CDH26: variants seen among roughly 807,000 people sequenced by gnomAD.
The protein encoded by CDH26 is cadherin-like protein 26.
CDH26 carries 83 observed loss-of-function variants against 90.3 expected under a neutral mutation model. That is an observed-to-expected ratio of 0.92 (90% CI 0.77 to 1.10). The LOEUF (loss-of-function observed/expected upper bound fraction) is 1.10. Ranked by LOEUF, CDH26 falls within the 50% of genes least tolerant of loss-of-function variation. The pLI is 0.00. For synonymous variants in CDH26, 397 were observed against 396.3 expected (o/e 1.00, Z -0.02); for missense variants, 1,013 against 1,037.6 (o/e 0.98, Z 0.33).
intron 4 of CDH26, among the ~76,000 whole-genome samples, chr20:59,980,119 A>G (rs1438398733): frequency 1.3e-5 from 2 of 152,158 alleles, no homozygotes; most frequent in Non-Finnish European, 2.9e-5. Context: ...CTTTGGCTGC[A>G]CTTAGTATTG....
intron 7 of CDH26, among the ~76,000 whole-genome samples, chr20:60,024,070 GGAAACAA>G (rs2146032438): frequency 6.6e-6 from 1 of 152,244 alleles, no homozygotes; most frequent in East Asian, 1.9e-4. Flanking sequence ...AGAGCTCACC[GGAAACAA>G]GTAGATCTGA....
exon 8 of CDH26, chr20:60,031,408 G>A: frequency 1.7e-6 from 2 of 1,197,212 alleles, no homozygotes; most frequent in Non-Finnish European, 2.1e-6. Context: ...CAAGAAAGTT[G>A]TTTATGACCA....
chr20:59,967,867 T>TC (rs2061179097), intron 1 of CDH26, among the ~76,000 whole-genome samples: 1 of 114,770 alleles, frequency 8.7e-6, no homozygotes, highest in African/African-American at 5.3e-5. Context: ...CTTTCTTTCT[T>TC]TCTTTCTTTC....
At chr20:60,002,985 C>T (rs1245605415) in intron 16 of CDH26, 119 bp downstream of exon 16, 3 of 609,348 alleles carry the variant, frequency 4.9e-6, no homozygotes, top group Non-Finnish European at 8.0e-6. Context: ...AAAAATATGC[C>T]CAACATCCAA....
At chr20:60,026,427 G>GAGAGAGA (rs2061998538) in intron 7 of CDH26, among the ~76,000 whole-genome samples, 53 of 116,770 alleles carry the variant, frequency 4.5e-4, no homozygotes, top group African/African-American at 1.7e-3. Context: ...AGAGAGAGAG[G>GAGAGAGA]GAGAAGAGGA....
intron 4 of CDH26, among the ~76,000 whole-genome samples, chr20:59,975,859 G>C (rs978164510): frequency 1.3e-5 from 2 of 152,158 alleles, no homozygotes; most frequent in African/African-American, 4.8e-5. Flanking sequence ...ATTGTGTTCA[G>C]GGGGTGGTGT....
At position 60,001,349 on chromosome 20, in the gene CDH26, G is replaced by C; in HGVS notation, c.2104G>C (p.Glu702Gln). 6.2e-7 allele frequency: 1 copy of C among 1,613,948 alleles called. No individual in the cohort carries two copies. The change falls in exon 15 of 18, where the codon GAG becomes CAG. Residue 702 changes from glutamate (E) to glutamine (Q), a missense_variant. Physicochemically the swap from Glu to Gln is conservative, Grantham distance 29. Transcript: ENST00000348616. ...ATCAGCATTTTCCCTCTAGGATCTCGAGGAAGTGCCTCCATCTGCAGCGAG... is the reference window on the plus strand; with the variant it reads ...ATCAGCATTTTCCCTCTAGGATCTCCAGGAAGTGCCTCCATCTGCAGCGAG... ...AGPTQGVKDLEEVPPSAASQS... is the reference protein window; with the variant it reads ...AGPTQGVKDLQEVPPSAASQS...
chr20:59,969,799 A>T lies in CDH26; in HGVS notation c.127-283A>T, dbSNP rs1443176571. Among the ~76,000 whole-genome samples, 3 of 152,372 alleles carry T rather than the reference A, an allele frequency of 2.0e-5. No individual in the cohort carries two copies. The South Asian group carries it at 6.2e-4, about 32-fold the overall frequency. ...TCTACTATAGGACAGCCATTGGCAC[A>T]TAGCAGACAGTCATCTTTAATGCTA... On this transcript the variant is annotated intron_variant, in intron 2 of 17. Transcript: ENST00000348616.
chr20:60,032,911 G>A (rs530796667), intron 8 of CDH26, among the ~76,000 whole-genome samples: 21 of 151,632 alleles, frequency 1.4e-4, no homozygotes, highest in Admixed American at 1.3e-3. Context: ...TGACGAGTTA[G>A]TGGGTGCAGC....
At chr20:60,021,892 A>ACACACACACACACACACACACACG (rs2061959548) in intron 7 of CDH26, among the ~76,000 whole-genome samples, 1 of 125,662 alleles carries the variant, frequency 8.0e-6, no homozygotes, top group Non-Finnish European at 1.8e-5. Context: ...ACACACACAC[A>ACACACACACACACACACACACACG]CACACATATA....
intron 12 of CDH26, chr20:59,996,308 CTTTG>C (rs1261521387): frequency 8.8e-6 from 12 of 1,367,872 alleles, no homozygotes; most frequent in Non-Finnish European, 8.7e-6. Context: ...AGGAGTGGCC[CTTTG>C]TTTGTAATAA....
intron 7 of CDH26, among the ~76,000 whole-genome samples, chr20:60,021,897 C>CACACACACAT (rs1295572684): frequency 0.015 from 1,188 of 78,892 alleles, 70 homozygotes; most frequent in African/African-American, 0.044. Flanking sequence ...CACACACACA[C>CACACACACAT]ATATATATAT....
chr20:60,001,261 G>A (rs2061673217), intron 14 of CDH26, 82 bp from the exon 15 acceptor site: 1 of 1,539,880 alleles, frequency 6.5e-7, no homozygotes, highest in Non-Finnish European at 8.9e-7. Context: ...AGGGGAAGTG[G>A]TGAGAGGTCA....
chr20:59,966,393 C>G (rs540656889), intron 1 of CDH26, among the ~76,000 whole-genome samples: 1 of 152,208 alleles, frequency 6.6e-6, no homozygotes. Flanking sequence ...AAGATGTACA[C>G]TCAAGTGTTG....
rs933766336 is a variant in CDH26, at chr20:60,030,358, G to T, written c.948-873G>T. Among the ~76,000 whole-genome samples, 6 of 152,078 alleles carry T rather than the reference G, an allele frequency of 3.9e-5. No homozygotes were observed. The highest frequency in any genetic ancestry group is 9.7e-5 in the African/African-American group (4 of 41,398). ...CACAGCAGAGAAACTTTGGTCTGTTGGTGTTTTAAGTATCTGGGTTTTTTT... is the reference window on the plus strand; with the variant it reads ...CACAGCAGAGAAACTTTGGTCTGTTTGTGTTTTAAGTATCTGGGTTTTTTT... On this transcript the variant is annotated intron_variant, in intron 7 of 8. Coordinates refer to the CDH26 transcript ENST00000370991. This position sits in a 1 kb window ranked among gnomAD's most constrained non-coding sequence, Gnocchi z 4.0.
In CDH26 at chr20:59,994,325, G is replaced by C. The variant is rs748571321; in HGVS notation, c.1502G>C (p.Arg501Pro). The C allele has an allele frequency of 3.1e-6, 5 of 1,613,774 alleles. No homozygotes were observed. Among genetic ancestry groups the C allele is most frequent in the South Asian group, 2.2e-5 (2 of 91,058 alleles). Residue 501 changes from arginine (R) to proline (P), a missense_variant, in exon 11 of 18, where the codon CGG becomes CCG. Transcript: ENST00000348616. ...ATCAATGACAACGTCCCGACTCTCC[G>C]GCCACGTTCCCGCTACATGGAGGTC... ...SDINDNVPTL[R>P]PRSRYMEVCE... is the part of the protein sequence containing the mutation.
At chr20:60,031,542 G>A (rs1182030038) in intron 8 of CDH26, 1 of 1,011,280 alleles carries the variant, frequency 9.9e-7, no homozygotes, top group Non-Finnish European at 1.2e-6. Context: ...TTAATTATTT[G>A]TAAAAACATC....
intron 7 of CDH26, among the ~76,000 whole-genome samples, chr20:60,019,940 T>C (rs2061938924): frequency 6.6e-6 from 1 of 152,222 alleles, no homozygotes. Flanking sequence ...CACAGTAGTG[T>C]AGTCTCTATG....
intron 1 of CDH26, among the ~76,000 whole-genome samples, chr20:59,964,080 C>T (rs1265250029): frequency 6.6e-6 from 1 of 152,140 alleles, no homozygotes; most frequent in Non-Finnish European, 1.5e-5. Context: ...GTCCTTGATC[C>T]AAATTCTGCT....
Sources: gnomAD v4.1 joint callset for allele counts (sites outside exome capture counted in the v4.1 genomes callset) on GRCh38, gnomAD v4.1.1 for gene constraint, Gnocchi (gnomAD v3.1) non-coding constraint, MANE v1.5 for transcripts, NCBI Gene and HGNC (gene_info 2026-07-23, HGNC 2026-07-21) for gene names.